LYSMD1: variants seen among roughly 807,000 people sequenced by gnomAD.
LYSMD1 encodes LysM domain containing 1.
In LYSMD1, 9 loss-of-function variants were observed where a neutral mutation model predicts 19.3. The observed-to-expected ratio is 0.47, with a 90% CI of 0.28 to 0.81. The LOEUF (loss-of-function observed/expected upper bound fraction) is 0.81, where lower values mean the gene tolerates loss of function less well. LYSMD1 is among the 40% of genes least tolerant of loss of function. The probability of loss-of-function intolerance (pLI) is 0.11; values close to 1 mark genes in which losing one functional copy is unlikely to be tolerated. For synonymous variants in LYSMD1, 111 were observed against 111.7 expected (o/e 0.99, Z 0.04); for missense variants, 262 against 279.8 (o/e 0.94, Z 0.45).
the LYSMD1 span, among the ~76,000 whole-genome samples, chr1:151,150,939 A>G: frequency 2.0e-5 from 3 of 151,668 alleles, no homozygotes; most frequent in Non-Finnish European, 4.4e-5. Flanking sequence ...GGGTTTCGCC[A>G]TGTTGGCCAG....
At position 151,165,362 on chromosome 1, in the gene LYSMD1, C is replaced by T; in HGVS notation, c.-104G>A. 1 of 1,485,790 alleles carries T rather than the reference C, an allele frequency of 6.7e-7. No homozygotes were observed. Among genetic ancestry groups the T allele is most frequent in the Non-Finnish European group, 9.0e-7 (1 of 1,110,244 alleles). The allele number at this position is 1,485,790 out of a possible 1,614,324, so 92.0% of individuals were successfully genotyped here. A position where few individuals can be genotyped will look rare whatever the true frequency, so the allele number is the denominator to read the frequency against. On this transcript the variant is annotated 5_prime_UTR_variant, in exon 1 of 3. Coordinates refer to ENST00000368908, the MANE Select transcript of LYSMD1 (RefSeq NM_212551.5). ...GAATGAATATTCAGGGGATTCCTTT[C>T]CCCCTCTCTCTTCCCCTGTGTCCCC...
chr1:151,151,224 CTCTG>C, the LYSMD1 span, among the ~76,000 whole-genome samples: 1 of 152,162 alleles, frequency 6.6e-6, no homozygotes, highest in Non-Finnish European at 1.5e-5. Context: ...ATGAGTCTCC[CTCTG>C]TCACCTAGGC....
In LYSMD1 at chr1:151,165,265, A is replaced by G. The variant is rs756493817; in HGVS notation, c.-7T>C. On this transcript the variant is annotated 5_prime_UTR_variant, in exon 1 of 3. Transcript: ENST00000368908. The stretch of plus-strand genomic sequence containing the variant: ...GTCTAGACGGGGAAGCCATCTCTTC[A>G]CCCTGCCAACAGCTAAGGTTGCAAC... 1 of 1,609,116 alleles carries G rather than the reference A, an allele frequency of 6.2e-7. No homozygotes were observed. Among genetic ancestry groups the G allele is most frequent in the Non-Finnish European group, 8.5e-7 (1 of 1,177,160 alleles).
In LYSMD1 at chr1:151,161,023, G is replaced by A; in HGVS notation, c.546-3C>T. 1 of 1,613,464 alleles carries A rather than the reference G, an allele frequency of 6.2e-7. No individual in the cohort carries two copies. The highest frequency in any genetic ancestry group is 8.5e-7 in the Non-Finnish European group (1 of 1,179,530). On this transcript the variant is annotated splice_polypyrimidine_tract_variant and splice_region_variant and intron_variant, in intron 2 of 2. Coordinates refer to ENST00000368908, the MANE Select transcript of LYSMD1 (RefSeq NM_212551.5). ...GACCTGCATCCTCCCCAGGTACCCT[G>A]CAATTGAGGAAAGGGGGGAAAGAGT...
the LYSMD1 span, among the ~76,000 whole-genome samples, chr1:151,150,736 CT>C: frequency 0.19 from 24,255 of 124,606 alleles, 1,252 homozygotes; most frequent in African/African-American, 0.24. Flanking sequence ...CTTTTCTTTT[CT>C]TTTTTTTTTT....
At chr1:151,156,007 G>A (rs1210585347), downstream of LYSMD1, among the ~76,000 whole-genome samples, 5 of 147,294 alleles carry the variant, frequency 3.4e-5, no homozygotes, top group Non-Finnish European at 7.4e-5. Flanking sequence ...GGTTGAGGCA[G>A]GAGAATCACT....
At chr1:151,151,206 G>GTTTTT in the LYSMD1 span, among the ~76,000 whole-genome samples, 1 of 151,772 alleles carries the variant, frequency 6.6e-6, no homozygotes, top group African/African-American at 2.4e-5. Flanking sequence ...GTTTTGTTTT[G>GTTTTT]TTTTGAGATG....
rs1683662906 is a variant in LYSMD1 at position 151,165,755 on chromosome 1, C to CA, written c.-498dup. 1 of 1,551,618 alleles carries CA rather than the reference C, an allele frequency of 6.4e-7. No individual in the cohort carries two copies. The highest frequency in any genetic ancestry group is 1.4e-5 in the African/African-American group (1 of 73,062). ...AAGAATTTGTAGTACACCTTCCACT[C>CA]AGAGATCCTCAAAGGTCCGCTCCGC... On this transcript the variant is annotated 5_prime_UTR_variant, in exon 1 of 3. It introduces an in-frame stop codon into an upstream open reading frame of the 5' UTR. Coordinates refer to ENST00000368908, the MANE Select transcript of LYSMD1 (RefSeq NM_212551.5).
the LYSMD1 span, among the ~76,000 whole-genome samples, chr1:151,151,356 A>AT: frequency 2.1e-3 from 287 of 137,604 alleles, 2 homozygotes; most frequent in East Asian, 5.5e-3. Context: ...TGCCCAGCTA[A>AT]TTTTTTTTTT....
At chr1:151,154,519 G>C in the LYSMD1 span, among the ~76,000 whole-genome samples, 1 of 151,692 alleles carries the variant, frequency 6.6e-6, no homozygotes, top group Admixed American at 6.6e-5. Flanking sequence ...AGGAAGGAAG[G>C]GAGGGAGGGA....
the LYSMD1 span, among the ~76,000 whole-genome samples, chr1:151,151,605 T>G: frequency 1.3e-5 from 2 of 151,958 alleles, no homozygotes; most frequent in East Asian, 3.9e-4. Context: ...GATACTTCCA[T>G]TTGGATTTTT....
rs1163923814 is a variant in LYSMD1, at chr1:151,160,257, A to AAAAAAAAAAAAAAAAAAT, written c.*624_*625insATTTTTTTTTTTTTTTTT. ...GGGTACCAAAAAAAAAAAAAAAAAG[A>AAAAAAAAAAAAAAAAAAT]ATCAGCCCAAATCTGTCACTTTGAG... On this transcript the variant is annotated 3_prime_UTR_variant, in exon 3 of 3. Coordinates refer to ENST00000368908, the MANE Select transcript of LYSMD1 (RefSeq NM_212551.5). 6.7e-6 allele frequency: 1 copy of AAAAAAAAAAAAAAAAAAT among 148,736 alleles called. No individual in the cohort carries two copies. Among genetic ancestry groups the AAAAAAAAAAAAAAAAAAT allele is most frequent in the African/African-American group, 2.5e-5 (1 of 40,788 alleles). 9.2% of individuals were successfully genotyped at this position (148,736 alleles called of 1,614,324 possible). A position where few individuals can be genotyped will look rare whatever the true frequency, so the allele number is the denominator to read the frequency against.
chr1:151,159,533 T>A (rs1304933923), downstream of LYSMD1: 11 of 356,876 alleles, frequency 3.1e-5, no homozygotes, highest in Non-Finnish European at 2.2e-5. Context: ...ATTTCTCCCA[T>A]AAGGGACTTC....
downstream of LYSMD1, among the ~76,000 whole-genome samples, chr1:151,158,483 G>A (rs1361764725): frequency 6.6e-6 from 1 of 152,024 alleles, no homozygotes; most frequent in Non-Finnish European, 1.5e-5. Flanking sequence ...CTGTTTTGGA[G>A]TCAAGATTTG....
downstream of LYSMD1, chr1:151,156,827 G>A (rs1362241912): frequency 6.6e-6 from 1 of 152,204 alleles, no homozygotes; most frequent in Non-Finnish European, 1.5e-5. Context: ...ACTCTCGCTT[G>A]TACAATTCTT....
chr1:151,152,023 A>C, the LYSMD1 span, among the ~76,000 whole-genome samples: 1 of 152,232 alleles, frequency 6.6e-6, no homozygotes. Context: ...TAGAGGAAGA[A>C]ATAAATGCAT....
chr1:151,165,530 C>T lies in LYSMD1; in HGVS notation c.-272G>A. 6.9e-7 allele frequency: 1 copy of T among 1,448,130 alleles called. No individual in the cohort carries two copies. Among genetic ancestry groups the T allele is most frequent in the Non-Finnish European group, 9.0e-7 (1 of 1,106,936 alleles). 89.7% of individuals were successfully genotyped at this position (1,448,130 alleles called of 1,614,324 possible). A position where few individuals can be genotyped will look rare whatever the true frequency, so the allele number is the denominator to read the frequency against. On this transcript the variant is annotated 5_prime_UTR_variant, in exon 1 of 3. Coordinates refer to ENST00000368908, the MANE Select transcript of LYSMD1 (RefSeq NM_212551.5). Reference sequence around the variant, plus strand: ...CCGACTTTGGACTCCCCCACAACTCCTCGCTACATTGACCTCTGACCTTTG... The same window carrying T: ...CCGACTTTGGACTCCCCCACAACTCTTCGCTACATTGACCTCTGACCTTTG...
chr1:151,164,651 G>A (rs917822036), intron 1 of LYSMD1, among the ~76,000 whole-genome samples: 1 of 152,176 alleles, frequency 6.6e-6, no homozygotes, highest in Non-Finnish European at 1.5e-5. Context: ...TGCTGTAAAC[G>A]TTTAATCACT....
chr1:151,163,144 C>T (rs1203041490), intron 1 of LYSMD1, among the ~76,000 whole-genome samples: 1 of 151,992 alleles, frequency 6.6e-6, no homozygotes, highest in Non-Finnish European at 1.5e-5. Flanking sequence ...TTACTTCTGC[C>T]TGAAATGCTC....
Sources: gnomAD v4.1 joint callset for allele counts (sites outside exome capture counted in the v4.1 genomes callset) on GRCh38, gnomAD v4.1.1 for gene constraint, MANE v1.5 for transcripts, NCBI Gene and HGNC (gene_info 2026-07-23, HGNC 2026-07-21) for gene names.